Variants in SYCP1 observed in about 807,000 individuals in gnomAD.
SYCP1 encodes the protein cancer/testis antigen 8.
A neutral mutation model predicts 153.1 loss-of-function variants in SYCP1; 64 were observed. The observed-to-expected ratio is 0.42, with a 90% CI of 0.34 to 0.51. The LOEUF (loss-of-function observed/expected upper bound fraction) is 0.51, where lower values mean the gene tolerates loss of function less well. SYCP1 is among the 20% of genes least tolerant of loss of function. SYCP1 has a pLI of 0.06. For synonymous variants in SYCP1, 384 were observed against 341.8 expected, an observed-to-expected ratio of 1.12 and a Z score of -1.36; for missense variants, 997 against 1,049.0, an observed-to-expected ratio of 0.95 and a Z score of 0.68.
chr1:114,879,371 T>C (rs1181157183), intron 12 of SYCP1, among the ~76,000 whole-genome samples: 1 of 152,246 alleles, frequency 6.6e-6, no homozygotes, highest in African/African-American at 2.4e-5. Flanking sequence ...CTGTCATTAC[T>C]ATATGATATA....
chr1:114,963,722 C>G (rs1229707236), intron 27 of SYCP1, among the ~76,000 whole-genome samples: 2 of 152,146 alleles, frequency 1.3e-5, no homozygotes. Flanking sequence ...TTTATGGCTG[C>G]ATAGTATTTC....
chr1:114,938,870 T>C (rs1408072600), intron 23 of SYCP1, among the ~76,000 whole-genome samples: 1 of 152,110 alleles, frequency 6.6e-6, no homozygotes, highest in Non-Finnish European at 1.5e-5. Flanking sequence ...TATTACCTCA[T>C]ACCCATTAGA....
intron 27 of SYCP1, among the ~76,000 whole-genome samples, chr1:114,972,754 C>T (rs1329297165): frequency 6.6e-6 from 1 of 152,066 alleles, no homozygotes; most frequent in Non-Finnish European, 1.5e-5. Flanking sequence ...TCATTGTTGT[C>T]AGAGAAGATA....
Position 114,944,445 on chromosome 1 carries a change from T to C in SYCP1, c.2033T>C (p.Leu678Pro). The C allele has an allele frequency of 6.3e-7, 1 of 1,585,690 alleles. No individual in the cohort carries two copies. The highest frequency in any genetic ancestry group is 8.6e-7 in the Non-Finnish European group (1 of 1,163,748). Residue 678 changes from leucine (L) to proline (P), a missense_variant, in exon 24 of 32, where the codon CTT becomes CCT. Around this residue, in one of 2 missense-constraint regions of SYCP1, gnomAD observed 712 missense variants for 682.9 expected, o/e 1.04. Coordinates refer to ENST00000369522, the MANE Select transcript of SYCP1 (RefSeq NM_003176.4). ...IEDKKISEENLLEEVEKAKVI... is the reference protein window; with the variant it reads ...IEDKKISEENPLEEVEKAKVI... The stretch of plus-strand genomic sequence containing the variant: ...GACAAAAAGATATCAGAAGAAAATC[T>C]TTTGGAAGAGGTGGGAAAAACTTAA...
intron 20 of SYCP1, among the ~76,000 whole-genome samples, chr1:114,920,051 C>G (rs1469798466): frequency 2.0e-5 from 3 of 151,642 alleles, no homozygotes; most frequent in Non-Finnish European, 1.5e-5. Flanking sequence ...GTTTGCTCTT[C>G]TTTTTGTAGT....
intron 20 of SYCP1, among the ~76,000 whole-genome samples, chr1:114,914,407 T>A (rs568916823): frequency 4.9e-5 from 7 of 143,776 alleles, no homozygotes; most frequent in African/African-American, 8.5e-5. Context: ...CACTCTATAT[T>A]TTTTTTTTTA....
intron 27 of SYCP1, among the ~76,000 whole-genome samples, chr1:114,951,779 T>G (rs1330881011): frequency 6.6e-6 from 1 of 152,166 alleles, no homozygotes; most frequent in Non-Finnish European, 1.5e-5. Flanking sequence ...TTCCTCATAT[T>G]GCCCTTTTAT....
chr1:114,918,777 A>G (rs1668671521), intron 20 of SYCP1, among the ~76,000 whole-genome samples: 1 of 151,662 alleles, frequency 6.6e-6, no homozygotes, highest in Non-Finnish European at 1.5e-5. Context: ...TACTTTCTTG[A>G]TTTATTTTTC....
chr1:114,890,429 G>A (rs999755766), intron 15 of SYCP1, among the ~76,000 whole-genome samples: 1 of 151,194 alleles, frequency 6.6e-6, no homozygotes, highest in Non-Finnish European at 1.5e-5. Flanking sequence ...ATATAAATAT[G>A]CATTTGTATT....
chr1:114,994,946 A>G lies in SYCP1; in HGVS notation c.2858A>G (p.Glu953Gly). 1.9e-6 allele frequency: 3 copies of G among 1,609,582 alleles called. No homozygotes were observed. The highest frequency in any genetic ancestry group is 2.5e-6 in the Non-Finnish European group (3 of 1,177,362). Reference protein sequence around the residue: ...LKFGAIRKMREDRWAVIAKMD... With the variant: ...LKFGAIRKMRGDRWAVIAKMD... ...TTTGGAGCTATAAGAAAAATGCGGGAGGACCGTTGGGCTGTAATTGCTAAA... is the reference window on the plus strand; with the variant it reads ...TTTGGAGCTATAAGAAAAATGCGGGGGGACCGTTGGGCTGTAATTGCTAAA... The change falls in exon 32 of 32, where the codon GAG becomes GGG. Residue 953 changes from glutamate to glycine, a missense_variant. Glu to Gly is a moderately conservative substitution (Grantham distance 98). Transcript: ENST00000369522.
At chr1:114,972,807 TG>T in intron 27 of SYCP1, among the ~76,000 whole-genome samples, 1 of 152,306 alleles carries the variant, frequency 6.6e-6, no homozygotes, top group East Asian at 1.9e-4. Flanking sequence ...ACTTGTTTTG[TG>T]GCTAGCATAT....
chr1:114,883,813 C>T (rs899899965), intron 12 of SYCP1, among the ~76,000 whole-genome samples: 1 of 152,178 alleles, frequency 6.6e-6, no homozygotes, highest in Non-Finnish European at 1.5e-5. Context: ...CTGCCTCAGC[C>T]TCCCGAGTAG....
intron 30 of SYCP1, among the ~76,000 whole-genome samples, chr1:114,990,514 AAAAC>A (rs1252068215): frequency 6.6e-6 from 1 of 151,976 alleles, no homozygotes; most frequent in Non-Finnish European, 1.5e-5. Context: ...TAGAGAATAG[AAAAC>A]AAGAAAGTCA....
At chr1:114,922,862 C>T (rs190810406) in intron 20 of SYCP1, among the ~76,000 whole-genome samples, 108 of 152,276 alleles carry the variant, frequency 7.1e-4, no homozygotes, top group African/African-American at 2.5e-3. Flanking sequence ...AAAATCAAAA[C>T]AAGTTAATTA....
chr1:114,988,175 T>C (rs1421670095), intron 30 of SYCP1, among the ~76,000 whole-genome samples: 1 of 148,522 alleles, frequency 6.7e-6, no homozygotes, highest in Non-Finnish European at 1.5e-5. Flanking sequence ...ATATACATTG[T>C]AGGAATTCCA....
rs1670695386 is a variant in SYCP1, at chr1:114,946,211, AT to A, written c.2155-76del. Reference sequence around the variant, plus strand: ...TAATTAATTAAATACTAAATTAAATATTAAAATATGTTAGGATACCAATCTT... The same window carrying A: ...TAATTAATTAAATACTAAATTAAATATAAAATATGTTAGGATACCAATCTT... On this transcript the variant is annotated intron_variant, in intron 25 of 31. Transcript: ENST00000369522. The A allele has an allele frequency of 5.3e-6, 3 of 566,822 alleles. No homozygotes were observed. In the South Asian group the frequency reaches 1.5e-4, roughly 28 times the overall value. The allele number at this position is 566,822 out of a possible 1,614,324, so 35.1% of individuals were successfully genotyped here.
intron 27 of SYCP1, among the ~76,000 whole-genome samples, chr1:114,963,364 T>C (rs2101890206): frequency 6.6e-6 from 1 of 152,328 alleles, no homozygotes; most frequent in Middle Eastern, 3.4e-3. Flanking sequence ...TTGTTCATTT[T>C]TTTAAAAGTA....
intron 16 of SYCP1, among the ~76,000 whole-genome samples, chr1:114,903,668 T>A (rs1365369372): frequency 6.6e-6 from 1 of 152,140 alleles, no homozygotes; most frequent in Non-Finnish European, 1.5e-5. Context: ...TTGATCAGAT[T>A]TGCATTTCAA....
intron 14 of SYCP1, among the ~76,000 whole-genome samples, chr1:114,886,773 A>T (rs1666337837): frequency 6.6e-6 from 1 of 151,906 alleles, no homozygotes; most frequent in African/African-American, 2.4e-5. Flanking sequence ...GTATAAATTT[A>T]ATTAATATAA....
Sources: allele counts gnomAD v4.1 joint callset (sites outside exome capture counted in the v4.1 genomes callset), GRCh38; gene constraint gnomAD v4.1.1; regional missense constraint gnomAD v4.1.1; transcripts MANE v1.5; gene names NCBI Gene and HGNC (gene_info 2026-07-23, HGNC 2026-07-21).